Variants in MGAT4C observed in about 807,000 individuals in gnomAD.
The protein encoded by MGAT4C is MGAT4 family member C, also known as alpha-1,3-mannosyl-glycoprotein 4-beta-N-acetylglucosaminyltransferase C.
In MGAT4C, 19 loss-of-function variants were observed where a neutral mutation model predicts 40.1. That is an observed-to-expected ratio of 0.47 (90% CI 0.33 to 0.70). The LOEUF (loss-of-function observed/expected upper bound fraction) is 0.70, where lower values mean the gene tolerates loss of function less well. MGAT4C is among the 30% of genes least tolerant of loss of function. MGAT4C has a pLI of 0.02. For synonymous variants in MGAT4C, 181 were observed against 187.1 expected, an observed-to-expected ratio of 0.97 and a Z score of 0.27; for missense variants, 491 against 563.2, an observed-to-expected ratio of 0.87 and a Z score of 1.30.
At chr12:86,498,648 T>C (rs1169921128) in intron 2 of MGAT4C, among the ~76,000 whole-genome samples, 2 of 151,932 alleles carry the variant, frequency 1.3e-5, no homozygotes, top group East Asian at 3.8e-4. Context: ...AATTGTAGCA[T>C]ACTGTACTTA....
At chr12:86,832,930 GAT>G (rs145152855) in intron 1 of MGAT4C, among the ~76,000 whole-genome samples, 52,221 of 151,556 alleles carry the variant, frequency 0.34, 9,994 homozygotes, top group Admixed American at 0.47. Flanking sequence ...AAAATGTTAT[GAT>G]TTTTTTTCAT....
At chr12:86,713,700 T>A (rs1308371510) in intron 2 of MGAT4C, among the ~76,000 whole-genome samples, 8 of 152,194 alleles carry the variant, frequency 5.3e-5, no homozygotes, top group South Asian at 4.1e-4. Flanking sequence ...TTTATTTTCT[T>A]AAAAACTCCT....
At chr12:86,443,116 T>C (rs1196128704) in intron 2 of MGAT4C, among the ~76,000 whole-genome samples, 1 of 152,138 alleles carries the variant, frequency 6.6e-6, no homozygotes, top group East Asian at 1.9e-4. Context: ...CAATATTCAT[T>C]TTGCAGGTGT....
intron 2 of MGAT4C, among the ~76,000 whole-genome samples, chr12:86,612,868 T>C (rs1962333167): frequency 1.3e-5 from 2 of 152,170 alleles, no homozygotes; most frequent in South Asian, 4.1e-4. Flanking sequence ...TGTGTTATCA[T>C]TGTAAAAAGC....
intron 1 of MGAT4C, among the ~76,000 whole-genome samples, chr12:86,233,371 G>C (rs1182454866): frequency 6.6e-6 from 1 of 152,120 alleles, no homozygotes. Flanking sequence ...CAATATTATA[G>C]GCTAGCAGAC....
intron 1 of MGAT4C, among the ~76,000 whole-genome samples, chr12:86,084,517 G>C (rs1871383770): frequency 6.6e-6 from 1 of 151,804 alleles, no homozygotes; most frequent in Non-Finnish European, 1.5e-5. Flanking sequence ...TGTATATTAT[G>C]TGGTCTATTT....
chr12:86,698,814 G>T (rs909038162), intron 2 of MGAT4C, among the ~76,000 whole-genome samples: 11 of 152,034 alleles, frequency 7.2e-5, no homozygotes, highest in Non-Finnish European at 1.6e-4. Context: ...TGAGAAAATT[G>T]AACTCTAACA....
At chr12:86,162,365 C>T (rs1885688586) in intron 1 of MGAT4C, among the ~76,000 whole-genome samples, 2 of 152,000 alleles carry the variant, frequency 1.3e-5, no homozygotes, top group African/African-American at 4.8e-5. Context: ...GAGCTGGAGG[C>T]CACAATCTTA....
intron 2 of MGAT4C, among the ~76,000 whole-genome samples, chr12:86,511,852 T>C (rs1264481790): frequency 6.6e-6 from 1 of 152,080 alleles, no homozygotes; most frequent in African/African-American, 2.4e-5. Flanking sequence ...TTCTTGGATA[T>C]AACACTAACA....
intron 1 of MGAT4C, among the ~76,000 whole-genome samples, chr12:86,755,508 C>A (rs1702014218): frequency 6.6e-6 from 1 of 152,134 alleles, no homozygotes; most frequent in African/African-American, 2.4e-5. Context: ...CACCCCAGTG[C>A]TAATAAGATC....
intron 3 of MGAT4C, among the ~76,000 whole-genome samples, chr12:86,337,423 C>A (rs1412985981): frequency 6.6e-6 from 1 of 151,324 alleles, no homozygotes; most frequent in Non-Finnish European, 1.5e-5. Context: ...ATGGCGAAAC[C>A]CTGCCACTTA....
intron 3 of MGAT4C, among the ~76,000 whole-genome samples, chr12:86,377,229 T>C (rs1198271785): frequency 6.6e-6 from 1 of 151,298 alleles, no homozygotes; most frequent in East Asian, 1.9e-4. Context: ...CTGGCTAATT[T>C]TGTATTTTTA....
intron 2 of MGAT4C, among the ~76,000 whole-genome samples, chr12:86,615,935 A>G (rs1160216770): frequency 2.0e-5 from 3 of 152,066 alleles, no homozygotes; most frequent in Admixed American, 6.5e-5. Flanking sequence ...AAAACTGGAG[A>G]AGCATTTATT....
At chr12:86,287,247 T>G (rs78098404) in intron 4 of MGAT4C, among the ~76,000 whole-genome samples, 1,727 of 152,244 alleles carry the variant, frequency 0.011, 24 homozygotes, top group African/African-American at 0.034. Context: ...TCCCCCAATC[T>G]CTCCAGAATC....
intron 3 of MGAT4C, among the ~76,000 whole-genome samples, chr12:86,414,620 C>T (rs943685953): frequency 6.6e-5 from 10 of 151,966 alleles, no homozygotes; most frequent in African/African-American, 2.4e-4. Context: ...AAAATAAATT[C>T]ACTTCATGTT....
At chr12:86,590,414 G>C (rs555464516) in intron 2 of MGAT4C, among the ~76,000 whole-genome samples, 1 of 151,910 alleles carries the variant, frequency 6.6e-6, no homozygotes, top group East Asian at 1.9e-4. Flanking sequence ...ACTGGTTCCT[G>C]CTCACTACAT....
intron 2 of MGAT4C, among the ~76,000 whole-genome samples, chr12:86,558,331 T>C (rs550501998): frequency 5.3e-5 from 8 of 152,244 alleles, no homozygotes; most frequent in South Asian, 2.1e-4. Context: ...ACAAGTGATA[T>C]TGATATCTAC....
At chr12:86,446,581 T>C (rs1008868576) in intron 2 of MGAT4C, among the ~76,000 whole-genome samples, 2 of 147,470 alleles carry the variant, frequency 1.4e-5, no homozygotes, top group Non-Finnish European at 3.0e-5. Flanking sequence ...ATGAATACCA[T>C]GCATTATTTT....
At chr12:86,238,783 A>G (rs371110350) in intron 1 of MGAT4C, among the ~76,000 whole-genome samples, 11 of 152,084 alleles carry the variant, frequency 7.2e-5, no homozygotes, top group African/African-American at 2.7e-4. Context: ...AAGGCTCTCA[A>G]ATGAGACAAT....
Sources: gnomAD v4.1 joint callset for allele counts (sites outside exome capture counted in the v4.1 genomes callset) on GRCh38, gnomAD v4.1.1 for gene constraint, MANE v1.5 for transcripts, NCBI Gene and HGNC (gene_info 2026-07-23, HGNC 2026-07-21) for gene names.